The following CMIP variants were observed in gnomAD, a reference collection of about 807,000 sequenced individuals.
CMIP encodes the protein c-Maf inducing protein, also known as C-Maf-inducing protein.
In CMIP, 13 loss-of-function variants were observed where a neutral mutation model predicts 97.3. The ratio of observed to expected loss-of-function variants is 0.13; its 90% CI spans 0.09 to 0.21. CMIP has a LOEUF of 0.21. Among genes scored for constraint, CMIP ranks in the 10% least tolerant of loss-of-function variants. The probability of loss-of-function intolerance (pLI) is 1.00; values close to 1 mark genes in which losing one functional copy is unlikely to be tolerated. For synonymous variants in CMIP, 538 were observed against 436.3 expected, an observed-to-expected ratio of 1.23 and a Z score of -2.91; for missense variants, 847 against 1,024.9, an observed-to-expected ratio of 0.83 and a Z score of 2.37.
chr16:81,511,137 C>T (rs1178850805), intron 1 of CMIP, among the ~76,000 whole-genome samples: 3 of 152,148 alleles, frequency 2.0e-5, no homozygotes, highest in Non-Finnish European at 4.4e-5. Context: ...GGTGTAGCTG[C>T]CTCTGTATGC....
At chr16:81,541,858 C>A (rs958539796) in intron 1 of CMIP, among the ~76,000 whole-genome samples, 3 of 152,216 alleles carry the variant, frequency 2.0e-5, no homozygotes, top group Admixed American at 2.0e-4. Context: ...AAAGGGAAAG[C>A]CTCATCTCTA....
At chr16:81,496,132 T>A (rs1365012809) in intron 1 of CMIP, among the ~76,000 whole-genome samples, 8 of 152,168 alleles carry the variant, frequency 5.3e-5, no homozygotes, top group African/African-American at 1.7e-4. Context: ...AGAATGGGGA[T>A]AATGGGACTG....
At chr16:81,669,579 C>G (rs1275478171) in intron 7 of CMIP, among the ~76,000 whole-genome samples, 1 of 148,200 alleles carries the variant, frequency 6.7e-6, no homozygotes, top group African/African-American at 2.5e-5. Context: ...ACACCCACCT[C>G]TCACCTCCTT....
At chr16:81,705,716 C>T (rs553483230) in intron 19 of CMIP, 112 bp downstream of exon 19, 60 of 664,034 alleles carry the variant, frequency 9.0e-5, no homozygotes, top group Non-Finnish European at 1.3e-4. Flanking sequence ...TAGAGAAATT[C>T]GTTCATTCAC....
chr16:81,668,082 G>C (rs1488621682), intron 7 of CMIP, among the ~76,000 whole-genome samples: 1 of 152,094 alleles, frequency 6.6e-6, no homozygotes, highest in African/African-American at 2.4e-5. Context: ...TGCCAGCTTC[G>C]GGGTCAGTTA....
At chr16:81,611,070 C>T (rs2091823971) in intron 2 of CMIP, among the ~76,000 whole-genome samples, 1 of 152,148 alleles carries the variant, frequency 6.6e-6, no homozygotes, top group African/African-American at 2.4e-5. Context: ...GCACAGCCAC[C>T]AGCAGCCACG....
intron 5 of CMIP, among the ~76,000 whole-genome samples, chr16:81,658,113 C>T (rs942310977): frequency 2.0e-5 from 3 of 152,162 alleles, no homozygotes; most frequent in Non-Finnish European, 2.9e-5. Context: ...GATGGCAGAG[C>T]CCGTATAATT....
At position 81,609,850 on chromosome 16, in the gene CMIP, G is replaced by T. The variant is rs532007647; in HGVS notation, c.426+2158G>T. Among the ~76,000 whole-genome samples the T allele has an allele frequency of 2.1e-4, 32 of 152,330 alleles. No individual in the cohort carries two copies. In the South Asian group the frequency reaches 6.4e-3, roughly 31 times the overall value. On this transcript the variant is annotated intron_variant, in intron 2 of 20. Transcript: ENST00000537098. ...TGGGGCTGTGGATATGTCTAGATCT[G>T]TTGGGCGATGGCCAGATCACCCAGG... is the stretch of plus-strand genomic sequence containing the variant.
In CMIP at chr16:81,660,166, C is replaced by G. The variant is rs576815688; in HGVS notation, c.682-718C>G. ...TGGTGGTGAAGAACATGAGCTGAAT[C>G]TAGGTTCAAGTTCAGAATCGAGTTC... On this transcript the variant is annotated intron_variant, in intron 5 of 20. Transcript: ENST00000537098. Among the ~76,000 whole-genome samples, 21 of 152,282 alleles carry G rather than the reference C, an allele frequency of 1.4e-4. No individual in the cohort carries two copies. In the South Asian group the frequency reaches 4.4e-3, roughly 32 times the overall value.
intron 18 of CMIP, among the ~76,000 whole-genome samples, chr16:81,705,044 C>T (rs954729666): frequency 1.3e-5 from 2 of 152,082 alleles, no homozygotes; most frequent in African/African-American, 4.8e-5. Context: ...GTACTCTGCA[C>T]AGGGCAGATG....
chr16:81,609,566 G>C (rs1007493374), intron 2 of CMIP, among the ~76,000 whole-genome samples: 3 of 152,248 alleles, frequency 2.0e-5, no homozygotes, highest in South Asian at 2.1e-4. Flanking sequence ...ATAAACAAAT[G>C]ATTACGGAAA....
intron 2 of CMIP, among the ~76,000 whole-genome samples, chr16:81,615,682 G>A (rs1007855762): frequency 2.0e-5 from 3 of 148,866 alleles, no homozygotes; most frequent in Admixed American, 6.7e-5. Flanking sequence ...CTGTGTGTGT[G>A]GTGTATGTGT....
chr16:81,454,959 C>G (rs1478488726), intron 1 of CMIP, among the ~76,000 whole-genome samples: 1 of 152,174 alleles, frequency 6.6e-6, no homozygotes, highest in African/African-American at 2.4e-5. Flanking sequence ...GCCAGAGCGG[C>G]TGGGCACATT....
In CMIP at chr16:81,651,344, C is replaced by T. The variant is rs139701711; in HGVS notation, c.478-859C>T. On this transcript the variant is annotated intron_variant, in intron 3 of 20. Coordinates refer to ENST00000537098, the MANE Select transcript of CMIP (RefSeq NM_198390.3). ...CTCCGTTTCCATGATGTCAGAGAGG[C>T]GGAACTAACTCTGCCTCAAATCCAG... 1.3e-4 allele frequency: 101 copies of T among 790,236 alleles called. No homozygotes were observed. In the African/African-American group the frequency reaches 1.8e-3, roughly 14 times the overall value. The allele number at this position is 790,236 out of a possible 1,614,324, so 49.0% of individuals were successfully genotyped here.
intron 3 of CMIP, among the ~76,000 whole-genome samples, chr16:81,645,101 G>A (rs2092349011): frequency 6.6e-6 from 1 of 152,254 alleles, no homozygotes; most frequent in Non-Finnish European, 1.5e-5. Flanking sequence ...GTAATGTTAC[G>A]ATGTGATCAA....
intron 3 of CMIP, among the ~76,000 whole-genome samples, chr16:81,636,068 GTT>G (rs1423362906): frequency 7.0e-5 from 9 of 128,988 alleles, no homozygotes; most frequent in South Asian, 2.5e-4. Flanking sequence ...AATTGGGCTG[GTT>G]GTGTGTTTGT....
chr16:81,708,742 T>C (rs1211521176), intron 20 of CMIP, among the ~76,000 whole-genome samples: 1 of 152,190 alleles, frequency 6.6e-6, no homozygotes, highest in Admixed American at 6.5e-5. Flanking sequence ...GTCTGTGAAG[T>C]CTCCTAATTT....
intron 1 of CMIP, among the ~76,000 whole-genome samples, chr16:81,537,425 C>T (rs2090363564): frequency 6.6e-6 from 1 of 151,454 alleles, no homozygotes; most frequent in African/African-American, 2.4e-5. Flanking sequence ...GTTGCAGCCA[C>T]TTGGGAGGCT....
rs150501647 is a variant in CMIP, at chr16:81,535,438, C to G, written c.301-72129C>G. Among the ~76,000 whole-genome samples, 4 of 150,376 alleles carry G rather than the reference C, an allele frequency of 2.7e-5. No individual in the cohort carries two copies. The East Asian group carries it at 7.8e-4, about 29-fold the overall frequency. On this transcript the variant is annotated intron_variant, in intron 1 of 20. Transcript: ENST00000537098. ...GCTTCCCTGTGCTTCTTTCCTGTCA[C>G]TTCTGCTCATGGTATAGCACTGGAA...
Sources: gnomAD v4.1 joint callset for allele counts (sites outside exome capture counted in the v4.1 genomes callset) on GRCh38, gnomAD v4.1.1 for gene constraint, MANE v1.5 for transcripts, NCBI Gene and HGNC (gene_info 2026-07-23, HGNC 2026-07-21) for gene names.